AKAP13: variants seen among roughly 807,000 people sequenced by gnomAD.
The protein encoded by AKAP13 is A-kinase anchoring protein 13.
In AKAP13, 80 loss-of-function variants were observed where a neutral mutation model predicts 264.5. That is an observed-to-expected ratio of 0.30 (90% confidence interval 0.25 to 0.36). AKAP13 has a LOEUF of 0.36. AKAP13 is among the 10% of genes least tolerant of loss of function. AKAP13 has a pLI of 1.00. For missense variants in AKAP13, 3,712 were observed against 3,435.2 expected (o/e 1.08, Z -2.01); for synonymous variants, 1,380 against 1,250.2 (o/e 1.10, Z -2.19).
intron 1 of AKAP13, among the ~76,000 whole-genome samples, chr15:85,458,376 TGTA>T (rs2074359436): frequency 1.4e-5 from 2 of 139,836 alleles, no homozygotes; most frequent in African/African-American, 5.9e-5. Context: ...TCTCTTTTTT[TGTA>T]TTTTTTGTTT....
chr15:85,412,010 G>T (rs1170481091), intron 1 of AKAP13, among the ~76,000 whole-genome samples: 1 of 152,190 alleles, frequency 6.6e-6, no homozygotes, highest in Non-Finnish European at 1.5e-5. Context: ...ATTAACAAAT[G>T]TGATTTTTGA....
In AKAP13 at chr15:85,727,046, G is replaced by T; in HGVS notation, c.6823-20G>T. 1 of 1,613,408 alleles carries T rather than the reference G, an allele frequency of 6.2e-7. No individual in the cohort carries two copies. The highest frequency in any genetic ancestry group is 8.5e-7 in the Non-Finnish European group (1 of 1,179,578). On this transcript the variant is annotated intron_variant, in intron 27 of 36. Transcript: ENST00000394518. This position sits in a 1 kb window ranked among gnomAD's most constrained non-coding sequence, Gnocchi z 5.3. Reference sequence around the variant, plus strand: ...AATATTGTATATGTATCTTTTATTTGCCCTCTTCCCTTTTTCCAGGACCAG... The same window carrying T: ...AATATTGTATATGTATCTTTTATTTTCCCTCTTCCCTTTTTCCAGGACCAG...
intron 8 of AKAP13, among the ~76,000 whole-genome samples, chr15:85,588,835 C>T (rs117155186): frequency 0.02 from 3,105 of 152,260 alleles, 50 homozygotes; most frequent in Non-Finnish European, 0.033. Flanking sequence ...CACAACAGGG[C>T]GATTCCTCCT....
intron 2 of AKAP13, among the ~76,000 whole-genome samples, chr15:85,496,484 T>C (rs2075876941): frequency 6.6e-6 from 1 of 152,188 alleles, no homozygotes; most frequent in Non-Finnish European, 1.5e-5. Flanking sequence ...TTAAAAAAAT[T>C]TATTCCTGAA....
chr15:85,535,098 G>C (rs373949052), intron 4 of AKAP13: 1 of 152,220 alleles, frequency 6.6e-6, no homozygotes, highest in South Asian at 2.1e-4. Flanking sequence ...ACCCAGCCTT[G>C]AGTATTGAAT....
At chr15:85,385,726 T>G (rs2070524789) in intron 1 of AKAP13, among the ~76,000 whole-genome samples, 1 of 152,234 alleles carries the variant, frequency 6.6e-6, no homozygotes, top group South Asian at 2.1e-4. Context: ...ATTCAAAATC[T>G]TTTGCTTAAA....
rs2083822481 is a variant in AKAP13, at chr15:85,669,954, A to T, written c.5101+124A>T. On this transcript the variant is annotated intron_variant, in intron 14 of 36. Coordinates refer to ENST00000394518, the MANE Select transcript of AKAP13 (RefSeq NM_007200.5). ...AATTTGCTTACTACTTCTTTGAGTG[A>T]ATGGCTCAGCACTTAAACAGAAAAG... is the stretch of plus-strand genomic sequence containing the variant. The T allele has an allele frequency of 5.2e-6, 3 of 574,006 alleles. No individual in the cohort carries two copies. In the South Asian group the frequency reaches 7.9e-5, roughly 15 times the overall value. The allele number at this position is 574,006 out of a possible 1,614,324, so 35.6% of individuals were successfully genotyped here. A position where few individuals can be genotyped will look rare whatever the true frequency, so the allele number is the denominator to read the frequency against.
chr15:85,585,769 T>TTCA lies in AKAP13; in HGVS notation c.4107_4108insTCA (p.Ala1369_Val1370insSer). ...CAAGTTCAATTTCTGAAGAAGTGGC[T>TTCA]GTAGGGAGCATAGCTGCTACACTGA... On this transcript the variant is annotated inframe_insertion, in exon 8 of 37. Coordinates refer to ENST00000394518, the MANE Select transcript of AKAP13 (RefSeq NM_007200.5). 6.2e-7 allele frequency: 1 copy of TTCA among 1,614,190 alleles called. No homozygotes were observed. Among genetic ancestry groups the TTCA allele is most frequent in the Non-Finnish European group, 8.5e-7 (1 of 1,179,992 alleles).
At position 85,695,415 on chromosome 15, in the gene AKAP13, C is replaced by G. The variant is rs528704931; in HGVS notation, c.5464+1964C>G. Among the ~76,000 whole-genome samples, 3 of 152,184 alleles carry G rather than the reference C, an allele frequency of 2.0e-5. No individual in the cohort carries two copies. In the East Asian group the frequency reaches 5.8e-4, roughly 29 times the overall value. ...TGAGACTCCATCTCAAAAAAACACACACAAAAAAACGTGTATTTGGACAGA... is the reference window on the plus strand; with the variant it reads ...TGAGACTCCATCTCAAAAAAACACAGACAAAAAAACGTGTATTTGGACAGA... On this transcript the variant is annotated intron_variant, in intron 17 of 36. Transcript: ENST00000394518.
intron 8 of AKAP13, among the ~76,000 whole-genome samples, chr15:85,604,253 T>C (rs1359373487): frequency 6.6e-6 from 1 of 152,140 alleles, no homozygotes. Context: ...AGATTTAAGT[T>C]TTGTAAGTTG....
Position 85,727,475 on chromosome 15 carries a change from C to A in AKAP13, c.7087+12C>A, listed in dbSNP as rs763848845. The A allele has an allele frequency of 3.7e-6, 6 of 1,613,502 alleles. No individual in the cohort carries two copies. Among genetic ancestry groups the A allele is most frequent in the Admixed American group, 1.7e-5 (1 of 59,994 alleles). ...CCGAGAATTAAAAGGTGAGGCATTG[C>A]GAGTGGTCTGAGCCCCTTGTCTGGA... On this transcript the variant is annotated intron_variant, in intron 29 of 36. Coordinates refer to ENST00000394518, the MANE Select transcript of AKAP13 (RefSeq NM_007200.5). The surrounding 1 kb of genome is among the most constrained non-coding windows in gnomAD (Gnocchi z 5.3).
chr15:85,729,038 T>C lies in AKAP13; in HGVS notation c.7088-1475T>C, dbSNP rs138209881. 9.4e-3 allele frequency among the ~76,000 whole-genome samples: 1,433 copies of C among 152,124 alleles called. 18 individuals carry two copies. The highest frequency in any genetic ancestry group is 0.031 in the African/African-American group (1,302 of 41,476). On this transcript the variant is annotated intron_variant, in intron 29 of 36. Transcript: ENST00000394518. ...TCAGTTGGCCAGGCTCGGTGGCTCA[T>C]GCCTGTAATCCCAGCACTTTGGGAG...
chr15:85,729,331 T>A (rs2087822854), intron 29 of AKAP13, among the ~76,000 whole-genome samples: 1 of 151,456 alleles, frequency 6.6e-6, no homozygotes, highest in Non-Finnish European at 1.5e-5. Context: ...AAGAGTCTGG[T>A]CGGTTGGTGG....
chr15:85,608,267 A>T (rs1392042354), intron 8 of AKAP13, among the ~76,000 whole-genome samples: 1 of 152,196 alleles, frequency 6.6e-6, no homozygotes, highest in Non-Finnish European at 1.5e-5. Context: ...GGCCAGGAGT[A>T]TTCTTCTAAT....
rs115160225 is a variant in AKAP13 at position 85,533,866 on chromosome 15, A to G, written c.464A>G (p.Asp155Gly). 6.9e-4 allele frequency: 1,088 copies of G among 1,586,260 alleles called. 7 individuals carry two copies. The African/African-American group carries it at 0.011, about 16-fold the overall frequency. Reference sequence around the variant, plus strand: ...ACGGAGTGGAATGTATTGGGGACAGATCAGAGTTTGCATGGTGAGAATTTA... The same window carrying G: ...ACGGAGTGGAATGTATTGGGGACAGGTCAGAGTTTGCATGGTGAGAATTTA... ...LPTEWNVLGT[D>G]QSLHDAGPRE... The change falls in exon 4 of 37, where the codon GAT (aspartate) becomes GGT (glycine). Residue 155 changes from aspartate to glycine, a missense_variant. Physicochemically the swap from Asp to Gly is moderately conservative, Grantham distance 94. Around this residue, in one of 3 missense-constraint regions of AKAP13, gnomAD observed 2,759 missense variants for 2,411.7 expected, o/e 1.14. Coordinates refer to ENST00000394518, the MANE Select transcript of AKAP13 (RefSeq NM_007200.5).
intron 1 of AKAP13, among the ~76,000 whole-genome samples, chr15:85,467,004 T>A (rs1303903183): frequency 6.6e-6 from 1 of 152,082 alleles, no homozygotes; most frequent in Non-Finnish European, 1.5e-5. Context: ...CTAGGTTTGT[T>A]AAGTAAATAG....
chr15:85,703,038 A>G (rs2086021355), intron 17 of AKAP13, among the ~76,000 whole-genome samples: 2 of 152,226 alleles, frequency 1.3e-5, no homozygotes, highest in Admixed American at 1.3e-4. Flanking sequence ...TTGTGCTAGC[A>G]GCATTTCAGT....
At chr15:85,409,951 TAATGAACCTTAAATTA>T (rs1950815716) in intron 1 of AKAP13, among the ~76,000 whole-genome samples, 2 of 151,772 alleles carry the variant, frequency 1.3e-5, no homozygotes, top group African/African-American at 4.9e-5. Flanking sequence ...AGTAGTTTTT[TAATGAACCTTAAATTA>T]TAAGGGAGGT....
intron 5 of AKAP13, among the ~76,000 whole-genome samples, chr15:85,550,277 G>A (rs1157581330): frequency 6.6e-6 from 1 of 152,212 alleles, no homozygotes; most frequent in East Asian, 1.9e-4. Context: ...CCAAGGTCTC[G>A]GTTCACAAGG....
Sources: allele counts gnomAD v4.1 joint callset (sites outside exome capture counted in the v4.1 genomes callset), GRCh38; gene constraint gnomAD v4.1.1; regional missense constraint gnomAD v4.1.1; non-coding constraint Gnocchi (gnomAD v3.1); transcripts MANE v1.5; gene names NCBI Gene and HGNC (gene_info 2026-07-23, HGNC 2026-07-21).